Variants in GCGR observed in about 807,000 individuals in gnomAD.
GCGR encodes glucagon receptor.
Under a neutral mutation model 56.1 loss-of-function variants are expected in GCGR, and 41 were observed. The ratio of observed to expected loss-of-function variants is 0.73; its 90% CI spans 0.57 to 0.95. The LOEUF (loss-of-function observed/expected upper bound fraction) is 0.95. Ranked by LOEUF, GCGR falls within the 40% of genes least tolerant of loss-of-function variation. The pLI, the probability that GCGR is intolerant of heterozygous loss-of-function variation, is 0.00. For synonymous variants in GCGR, 278 were observed against 271.1 expected, an observed-to-expected ratio of 1.03 and a Z score of -0.25; for missense variants, 595 against 638.2, an observed-to-expected ratio of 0.93 and a Z score of 0.73.
chr17:81,811,291 G>T lies in GCGR; in HGVS notation c.463G>T (p.Ala155Ser). 6.5e-7 allele frequency: 1 copy of T among 1,535,878 alleles called. No homozygotes were observed. The highest frequency in any genetic ancestry group is 1.2e-5 in the South Asian group (1 of 84,068). ...YTVGYSLSLG[A>S]LLLALAILGG... is the part of the protein sequence containing the mutation. Reference sequence around the variant, plus strand: ...AGTGGGCTACAGCCTGTCCCTGGGGGCCCTGCTCCTCGCCTTGGCCATCCT... The same window carrying T: ...AGTGGGCTACAGCCTGTCCCTGGGGTCCCTGCTCCTCGCCTTGGCCATCCT... Residue 155 changes from alanine to serine, a missense_variant, in exon 6 of 14, where the codon GCC (alanine) becomes TCC (serine). Transcript: ENST00000400723. The surrounding 1 kb of genome is among the most constrained non-coding windows in gnomAD (Gnocchi z 5.8).
At position 81,811,699 on chromosome 17, in the gene GCGR, G is replaced by C. The variant is rs781413720; in HGVS notation, c.706G>C (p.Val236Leu). The change falls in exon 8 of 14, where the codon GTG (valine) becomes CTG (leucine). Residue 236 changes from valine to leucine, a missense_variant. Physicochemically the swap from Val to Leu is conservative, Grantham distance 32 (BLOSUM62 1). Transcript: ENST00000400723. The surrounding 1 kb of genome is among the most constrained non-coding windows in gnomAD (Gnocchi z 5.8). ...VAAVFMQYGI[V>L]ANYCWLLVEG... is the part of the protein sequence containing the mutation. ...CGCGGTGTTCATGCAATATGGCATC[G>C]TGGCCAACTACTGCTGGCTGCTGGT... is the stretch of plus-strand genomic sequence containing the variant. The C allele has an allele frequency of 6.5e-7, 1 of 1,542,954 alleles. No homozygotes were observed. Among genetic ancestry groups the C allele is most frequent in the Admixed American group, 1.9e-5 (1 of 51,576 alleles).
At position 81,811,689 on chromosome 17, in the gene GCGR, A is replaced by G. The variant is rs540828545; in HGVS notation, c.696A>G (p.Gln232=). 7 of 1,541,248 alleles carry G rather than the reference A, an allele frequency of 4.5e-6. No individual in the cohort carries two copies. The highest frequency in any genetic ancestry group is 2.4e-5 in the East Asian group (1 of 41,148). ...GCCGTGTGGCCGCGGTGTTCATGCA[A>G]TATGGCATCGTGGCCAACTACTGCT... ...AGCRVAAVFM[Q]YGIVANYCWL... is the part of the protein sequence containing the mutation. The change falls in exon 8 of 14, where the codon CAA becomes CAG. Residue 232 remains glutamine, a synonymous_variant. Transcript: ENST00000400723. This position sits in a 1 kb window ranked among gnomAD's most constrained non-coding sequence, Gnocchi z 5.8.
At position 81,812,054 on chromosome 17, in the gene GCGR, G is replaced by A; in HGVS notation, c.878+108G>A. On this transcript the variant is annotated intron_variant, in intron 9 of 13. Transcript: ENST00000400723. This position sits in a 1 kb window ranked among gnomAD's most constrained non-coding sequence, Gnocchi z 8.5. Reference sequence around the variant, plus strand: ...GGATGAGCCTGGTGCCTGGGGAGGGGGTCATTTGTGACCTTCTCCCTTCCT... The same window carrying A: ...GGATGAGCCTGGTGCCTGGGGAGGGAGTCATTTGTGACCTTCTCCCTTCCT... The A allele has an allele frequency of 4.6e-6, 7 of 1,509,516 alleles. No individual in the cohort carries two copies. Among genetic ancestry groups the A allele is most frequent in the Non-Finnish European group, 6.2e-6 (7 of 1,123,514 alleles). 93.5% of individuals were successfully genotyped at this position (1,509,516 alleles called of 1,614,324 possible).
Position 81,811,236 on chromosome 17 carries a change from G to C in GCGR, c.408G>C (p.Lys136Asn). ...EEIEVQKEVAKMYSSFQVMYT... is the reference protein window; with the variant it reads ...EEIEVQKEVANMYSSFQVMYT... Reference sequence around the variant, plus strand: ...GTAACTCGCAGAAGGAGGTGGCCAAGATGTACAGCAGCTTCCAGGTGATGT... The same window carrying C: ...GTAACTCGCAGAAGGAGGTGGCCAACATGTACAGCAGCTTCCAGGTGATGT... The change falls in exon 6 of 14, where the codon AAG (lysine) becomes AAC (asparagine). Residue 136 changes from lysine to asparagine, a missense_variant. By Grantham distance (94) the Lys-to-Asn change is moderately conservative. Coordinates refer to ENST00000400723, the MANE Select transcript of GCGR (RefSeq NM_000160.5). This position sits in a 1 kb window ranked among gnomAD's most constrained non-coding sequence, Gnocchi z 5.8. 1 of 1,536,324 alleles carries C rather than the reference G, an allele frequency of 6.5e-7. No individual in the cohort carries two copies. Among genetic ancestry groups the C allele is most frequent in the Non-Finnish European group, 8.7e-7 (1 of 1,146,816 alleles).
intron 1 of GCGR, among the ~76,000 whole-genome samples, chr17:81,807,838 C>A (rs530236455): frequency 6.6e-6 from 1 of 152,366 alleles, no homozygotes; most frequent in South Asian, 2.1e-4. Flanking sequence ...GTAGCTGTTG[C>A]CACCCCGAAC....
chr17:81,806,535 C>T lies in GCGR; in HGVS notation c.-178+2286C>T, dbSNP rs1272229684. Among the ~76,000 whole-genome samples, 2 of 152,180 alleles carry T rather than the reference C, an allele frequency of 1.3e-5. No individual in the cohort carries two copies. The highest frequency in any genetic ancestry group is 2.4e-5 in the African/African-American group (1 of 41,446). On this transcript the variant is annotated intron_variant, in intron 1 of 13. Coordinates refer to ENST00000400723, the MANE Select transcript of GCGR (RefSeq NM_000160.5). This position sits in a 1 kb window ranked among gnomAD's most constrained non-coding sequence, Gnocchi z 6.5. ...TGGGCAGCCAACCCCTCCCTCGGCT[C>T]GCTGGGGTCTCCAGACTGGCTGCCC...
chr17:81,812,853 G>C lies in GCGR; in HGVS notation c.1084G>C (p.Glu362Gln), dbSNP rs1441715310. 1 of 1,536,016 alleles carries C rather than the reference G, an allele frequency of 6.5e-7. No individual in the cohort carries two copies. Among genetic ancestry groups the C allele is most frequent in the South Asian group, 1.2e-5 (1 of 84,066 alleles). ...LTLIPLLGVH[E>Q]VVFAFVTDEH... ...CCTCATCCCTCTGCTGGGCGTCCACGAAGTGGTCTTCGCCTTCGTGACGGA... is the reference window on the plus strand; with the variant it reads ...CCTCATCCCTCTGCTGGGCGTCCACCAAGTGGTCTTCGCCTTCGTGACGGA... Residue 362 changes from glutamate to glutamine, a missense_variant, in exon 12 of 14, where the codon GAA (glutamate) becomes CAA (glutamine). Transcript: ENST00000400723. The surrounding 1 kb of genome is among the most constrained non-coding windows in gnomAD (Gnocchi z 8.5).
chr17:81,808,516 CTTT>C (rs998083389), intron 1 of GCGR, among the ~76,000 whole-genome samples: 3 of 134,794 alleles, frequency 2.2e-5, no homozygotes, highest in East Asian at 4.2e-4. Flanking sequence ...CTATCGCCCT[CTTT>C]TTTTTTTTTT....
intron 2 of GCGR, 35 bp from the exon 3 acceptor site, chr17:81,809,741 GTCTGTC>G (rs751067125): frequency 1.4e-6 from 2 of 1,389,864 alleles, no homozygotes; most frequent in Non-Finnish European, 2.0e-6. Flanking sequence ...CTGCCTGCCT[GTCTGTC>G]TGTCTGTCTG....
rs1327302615 is a variant in GCGR at position 81,813,478 on chromosome 17, A to C, written c.1223A>C (p.Gln408Pro). Reference protein sequence around the residue: ...VLYCFLNKEVQSELRRRWHRW... With the variant: ...VLYCFLNKEVPSELRRRWHRW... Reference sequence around the variant, plus strand: ...CTGCCCCGTCCCCCTCCCCAGGTGCAGTCGGAGCTGCGGCGGCGTTGGCAC... The same window carrying C: ...CTGCCCCGTCCCCCTCCCCAGGTGCCGTCGGAGCTGCGGCGGCGTTGGCAC... The change falls in exon 14 of 14, where the codon CAG (glutamine) becomes CCG (proline). Residue 408 changes from glutamine (Q) to proline (P), a missense_variant. Physicochemically the swap from Gln to Pro is moderately conservative, Grantham distance 76. Transcript: ENST00000400723. This position sits in a 1 kb window ranked among gnomAD's most constrained non-coding sequence, Gnocchi z 5.3. The C allele has an allele frequency of 1.3e-6, 2 of 1,534,660 alleles. No homozygotes were observed. The highest frequency in any genetic ancestry group is 1.7e-6 in the Non-Finnish European group (2 of 1,146,652).
In GCGR at chr17:81,806,952, G is replaced by A. The variant is rs376330045; in HGVS notation, c.-177-1890G>A. ...CCCCAGGTCTCCCCTGCACCCCTGA[G>A]CCTGCCCACCTAGCAGTGCCCCTCG... On this transcript the variant is annotated intron_variant, in intron 1 of 13. Coordinates refer to ENST00000400723, the MANE Select transcript of GCGR (RefSeq NM_000160.5). This position sits in a 1 kb window ranked among gnomAD's most constrained non-coding sequence, Gnocchi z 6.5. Among the ~76,000 whole-genome samples the A allele has an allele frequency of 5.2e-4, 79 of 152,184 alleles. No homozygotes were observed. In the East Asian group the frequency reaches 0.013, roughly 26 times the overall value.
rs1324159501 is a variant in GCGR, at chr17:81,812,782, G to C, written c.1038-25G>C. On this transcript the variant is annotated intron_variant, in intron 11 of 13. Coordinates refer to ENST00000400723, the MANE Select transcript of GCGR (RefSeq NM_000160.5). The surrounding 1 kb of genome is among the most constrained non-coding windows in gnomAD (Gnocchi z 8.5). The stretch of plus-strand genomic sequence containing the variant: ...GTGCGGGCCGAGGGTGGGGGCGGTG[G>C]GTGACTCAGGCGCTGCCTCTGCAGG... The C allele has an allele frequency of 6.5e-7, 1 of 1,535,272 alleles. No individual in the cohort carries two copies.
rs1775799546 is a variant in GCGR, at chr17:81,811,824, C to T, written c.817+14C>T. 2.0e-6 allele frequency: 3 copies of T among 1,536,730 alleles called. No individual in the cohort carries two copies. The highest frequency in any genetic ancestry group is 2.6e-6 in the Non-Finnish European group (3 of 1,146,824). On this transcript the variant is annotated intron_variant, in intron 8 of 13. Coordinates refer to ENST00000400723, the MANE Select transcript of GCGR (RefSeq NM_000160.5). This position sits in a 1 kb window ranked among gnomAD's most constrained non-coding sequence, Gnocchi z 5.8. ...GCATCGGCTGGGGTGAGTGGGCTGG[C>T]ATGAGAGGGGGTTAAGGCAGGCTGA...
Position 81,811,025 on chromosome 17 carries a change from T to C in GCGR, c.287T>C (p.Val96Ala), listed in dbSNP as rs756454904. The C allele has an allele frequency of 2.0e-6, 3 of 1,535,904 alleles. No homozygotes were observed. The highest frequency in any genetic ancestry group is 3.9e-5 in the Admixed American group (2 of 51,010). ...ACACCCCCAGTGCAACACCGCTTCG[T>C]GTTCAAGAGATGCGGGCCCGACGGT... ...PWHHKVQHRF[V>A]FKRCGPDGQW... The change falls in exon 5 of 14, where the codon GTG (valine) becomes GCG (alanine). Residue 96 changes from valine to alanine, a missense_variant. Transcript: ENST00000400723. This position sits in a 1 kb window ranked among gnomAD's most constrained non-coding sequence, Gnocchi z 5.8.
In GCGR at chr17:81,809,873, C is replaced by T. The variant is rs1017028958; in HGVS notation, c.152C>T (p.Pro51Leu). 3 of 1,536,134 alleles carry T rather than the reference C, an allele frequency of 2.0e-6. No individual in the cohort carries two copies. Among genetic ancestry groups the T allele is most frequent in the Non-Finnish European group, 2.6e-6 (3 of 1,146,486 alleles). Reference sequence around the variant, plus strand: ...TGTCACCACAACCTGAGCCTGCTGCCCCCTCCCACGGGTGAGCCCCCCACC... The same window carrying T: ...TGTCACCACAACCTGAGCCTGCTGCTCCCTCCCACGGGTGAGCCCCCCACC... ...DQCHHNLSLL[P>L]PPTELVCNRT... Residue 51 changes from proline (P) to leucine (L), a missense_variant, in exon 3 of 14, where the codon CCC (proline) becomes CTC (leucine). Physicochemically the swap from Pro to Leu is moderately conservative, Grantham distance 98 (BLOSUM62 -3). Coordinates refer to ENST00000400723, the MANE Select transcript of GCGR (RefSeq NM_000160.5).
In GCGR at chr17:81,810,840, G is replaced by C. The variant is rs561472081; in HGVS notation, c.179G>C (p.Arg60Thr). 1 of 1,536,770 alleles carries C rather than the reference G, an allele frequency of 6.5e-7. No homozygotes were observed. Among genetic ancestry groups the C allele is most frequent in the South Asian group, 1.2e-5 (1 of 84,060 alleles). The change falls in exon 4 of 14, where the codon AGA (arginine) becomes ACA (threonine). Residue 60 changes from arginine to threonine, a missense_variant. Coordinates refer to ENST00000400723, the MANE Select transcript of GCGR (RefSeq NM_000160.5). The surrounding 1 kb of genome is among the most constrained non-coding windows in gnomAD (Gnocchi z 4.6). ...TACCCTGCAGAGCTGGTGTGCAACA[G>C]AACCTTCGACAAGTATTCCTGCTGG... ...LPPPTELVCNRTFDKYSCWPD... is the reference protein window; with the variant it reads ...LPPPTELVCNTTFDKYSCWPD...
At position 81,812,560 on chromosome 17, in the gene GCGR, G is replaced by A. The variant is rs373611947; in HGVS notation, c.949-17G>A. 144 of 1,533,824 alleles carry A rather than the reference G, an allele frequency of 9.4e-5. No individual in the cohort carries two copies. The highest frequency in any genetic ancestry group is 1.1e-4 in the Non-Finnish European group (131 of 1,144,790). On this transcript the variant is annotated splice_polypyrimidine_tract_variant and intron_variant, in intron 10 of 13. Coordinates refer to ENST00000400723, the MANE Select transcript of GCGR (RefSeq NM_000160.5). The surrounding 1 kb of genome is among the most constrained non-coding windows in gnomAD (Gnocchi z 8.5). Reference sequence around the variant, plus strand: ...CTGGGGCTCGGGATGCCCCTGACTCGCACCCTTCTCACACAGATCAACTTC... The same window carrying A: ...CTGGGGCTCGGGATGCCCCTGACTCACACCCTTCTCACACAGATCAACTTC...
In GCGR at chr17:81,813,185, T is replaced by C; in HGVS notation, c.1218+128T>C. On this transcript the variant is annotated intron_variant, in intron 13 of 13. Transcript: ENST00000400723. This position sits in a 1 kb window ranked among gnomAD's most constrained non-coding sequence, Gnocchi z 5.3. ...AACACGTGGGGCCCAAGCCTTTCCC[T>C]CCCCCTGCTCTTATTGGGTGCAGTT... 3.6e-6 allele frequency: 5 copies of C among 1,373,866 alleles called. No individual in the cohort carries two copies. Among genetic ancestry groups the C allele is most frequent in the Non-Finnish European group, 5.0e-6 (5 of 1,002,142 alleles). 85.1% of individuals were successfully genotyped at this position (1,373,866 alleles called of 1,614,324 possible).
Position 81,804,190 on chromosome 17 carries a change from G to T in GCGR, c.-237G>T. The T allele has an allele frequency of 6.6e-6, 1 of 151,202 alleles. No homozygotes were observed. Among genetic ancestry groups the T allele is most frequent in the South Asian group, 2.1e-4 (1 of 4,874 alleles). 9.4% of individuals were successfully genotyped at this position (151,202 alleles called of 1,614,324 possible). On this transcript the variant is annotated 5_prime_UTR_variant, in exon 1 of 14. Transcript: ENST00000400723. This position sits in a 1 kb window ranked among gnomAD's most constrained non-coding sequence, Gnocchi z 8.2. ...CGAAGACGAGCGGTCACCGGCGCCC[G>T]ACCCGAGCGCGCCCAGAGGACGGCG...
Sources: gnomAD v4.1 joint callset for allele counts (sites outside exome capture counted in the v4.1 genomes callset) on GRCh38, gnomAD v4.1.1 for gene constraint, Gnocchi (gnomAD v3.1) non-coding constraint, MANE v1.5 for transcripts, NCBI Gene and HGNC (gene_info 2026-07-23, HGNC 2026-07-21) for gene names.